The following DERA variants were observed in gnomAD, a reference collection of about 807,000 sequenced individuals.
The protein encoded by DERA is 2-deoxy-D-ribose 5-phosphate aldolase.
DERA carries 15 observed loss-of-function variants against 41.1 expected under a neutral mutation model. That is an observed-to-expected ratio of 0.37 (90% CI 0.24 to 0.56). The LOEUF (loss-of-function observed/expected upper bound fraction) is 0.56. Among genes scored for constraint, DERA ranks in the 20% least tolerant of loss-of-function variants. The pLI is 0.81. For missense variants in DERA, 396 were observed against 403.4 expected (o/e 0.98, Z 0.16); for synonymous variants, 139 against 137.4 (o/e 1.01, Z -0.08).
chr12:15,929,166 C>A (rs145885239), intron 1 of DERA, among the ~76,000 whole-genome samples: 1 of 152,176 alleles, frequency 6.6e-6, no homozygotes, highest in Non-Finnish European at 1.5e-5. Flanking sequence ...CAGAGCTAAC[C>A]CACACTAACT....
In DERA at chr12:16,008,372, A is replaced by T. The variant is rs1474449023; in HGVS notation, c.638-24170A>T. ...CCACATTTTATTCAGTTGGACTCTG[A>T]CTCCTGTCTGATTTGCCAGTGTAGA... On this transcript the variant is annotated intron_variant, in intron 6 of 8. Transcript: ENST00000428559. This position sits in a 1 kb window ranked among gnomAD's most constrained non-coding sequence, Gnocchi z 4.8. 6.6e-6 allele frequency among the ~76,000 whole-genome samples: 1 copy of T among 151,822 alleles called. No homozygotes were observed. Among genetic ancestry groups the T allele is most frequent in the African/African-American group, 2.4e-5 (1 of 41,312 alleles).
rs1949133714 is a variant in DERA, at chr12:16,036,961, G to C, written c.*215G>C. On this transcript the variant is annotated 3_prime_UTR_variant, in exon 9 of 9. Coordinates refer to ENST00000428559, the MANE Select transcript of DERA (RefSeq NM_015954.4). This position sits in a 1 kb window ranked among gnomAD's most constrained non-coding sequence, Gnocchi z 4.9. Reference sequence around the variant, plus strand: ...TCTGAAATGATCTTAATTACTAGAAGATCTGCACTATTAACTTTGTGAAGA... The same window carrying C: ...TCTGAAATGATCTTAATTACTAGAACATCTGCACTATTAACTTTGTGAAGA... 1 of 498,400 alleles carries C rather than the reference G, an allele frequency of 2.0e-6. No individual in the cohort carries two copies. Among genetic ancestry groups the C allele is most frequent in the Non-Finnish European group, 3.5e-6 (1 of 285,236 alleles). 30.9% of individuals were successfully genotyped at this position (498,400 alleles called of 1,614,324 possible).
intron 6 of DERA, among the ~76,000 whole-genome samples, chr12:16,015,337 T>A (rs1592051240): frequency 6.6e-6 from 1 of 152,154 alleles, no homozygotes; most frequent in Non-Finnish European, 1.5e-5. Flanking sequence ...GTGGAGGTAA[T>A]TGAATAATGG....
At chr12:15,930,450 G>A (rs1948318919) in intron 1 of DERA, among the ~76,000 whole-genome samples, 1 of 151,980 alleles carries the variant, frequency 6.6e-6, no homozygotes, top group South Asian at 2.1e-4. Flanking sequence ...TTTTTGATCA[G>A]CATCTTTAAA....
rs1948990780 is a variant in DERA at position 16,017,546 on chromosome 12, A to T, written c.638-14996A>T. On this transcript the variant is annotated intron_variant, in intron 6 of 8. Coordinates refer to ENST00000428559, the MANE Select transcript of DERA (RefSeq NM_015954.4). This position sits in a 1 kb window ranked among gnomAD's most constrained non-coding sequence, Gnocchi z 5.5. The stretch of plus-strand genomic sequence containing the variant: ...ATTAGTATCACATTGATACCTCCAG[A>T]GGGGCTTTCTGCTTCCATATGTACT... Among the ~76,000 whole-genome samples the T allele has an allele frequency of 6.6e-6, 1 of 152,190 alleles. No homozygotes were observed. The highest frequency in any genetic ancestry group is 2.4e-5 in the African/African-American group (1 of 41,456).
rs1038739927 is a variant in DERA, at chr12:15,982,557, G to C, written c.637+121G>C. ...AACCACTTGGAATTTTTTTGCGGGA[G>C]GAATCGGATATTTTGTAAAAACATG... is the stretch of plus-strand genomic sequence containing the variant. On this transcript the variant is annotated intron_variant, in intron 6 of 8. Coordinates refer to ENST00000428559, the MANE Select transcript of DERA (RefSeq NM_015954.4). The surrounding 1 kb of genome is among the most constrained non-coding windows in gnomAD (Gnocchi z 4.0). 9.6e-7 allele frequency: 1 copy of C among 1,038,622 alleles called. No individual in the cohort carries two copies. The highest frequency in any genetic ancestry group is 3.3e-4 in the Middle Eastern group (1 of 3,032). The allele number at this position is 1,038,622 out of a possible 1,614,324, so 64.3% of individuals were successfully genotyped here. A position where few individuals can be genotyped will look rare whatever the true frequency, so the allele number is the denominator to read the frequency against.
chr12:15,943,850 G>A lies in DERA; in HGVS notation c.32-13086G>A, dbSNP rs558839251. On this transcript the variant is annotated intron_variant, in intron 1 of 8. Coordinates refer to ENST00000428559, the MANE Select transcript of DERA (RefSeq NM_015954.4). The surrounding 1 kb of genome is among the most constrained non-coding windows in gnomAD (Gnocchi z 4.5). ...GCCATTAACTCGTCATTTACATTAC[G>A]TATTTCTCCTAATGCTATCCCTCCC... Among the ~76,000 whole-genome samples the A allele has an allele frequency of 5.3e-5, 8 of 151,184 alleles. No homozygotes were observed. The South Asian group carries it at 1.3e-3, about 24-fold the overall frequency.
intron 6 of DERA, among the ~76,000 whole-genome samples, chr12:15,997,652 T>C (rs1383945341): frequency 2.7e-5 from 4 of 148,542 alleles, no homozygotes; most frequent in Non-Finnish European, 4.4e-5. Flanking sequence ...GGAACTTTTT[T>C]CTCTTTTTAA....
chr12:15,962,664 A>T (rs1592021741), intron 4 of DERA, 149 bp from the exon 5 acceptor site: 1 of 596,784 alleles, frequency 1.7e-6, no homozygotes, highest in African/African-American at 1.9e-5. Context: ...GTGTCAGTGC[A>T]TTGGTCTTTA....
In DERA at chr12:15,982,552, C is replaced by T. The variant is rs1345100272; in HGVS notation, c.637+116C>T. The T allele has an allele frequency of 2.2e-5, 23 of 1,042,448 alleles. No individual in the cohort carries two copies. The highest frequency in any genetic ancestry group is 5.6e-5 in the South Asian group (3 of 53,368). 64.6% of individuals were successfully genotyped at this position (1,042,448 alleles called of 1,614,324 possible). ...GTGCTAACCACTTGGAATTTTTTTG[C>T]GGGAGGAATCGGATATTTTGTAAAA... On this transcript the variant is annotated intron_variant, in intron 6 of 8. Transcript: ENST00000428559. This position sits in a 1 kb window ranked among gnomAD's most constrained non-coding sequence, Gnocchi z 4.0.
rs1352655745 is a variant in DERA, at chr12:15,922,526, A to G, written c.31+11112A>G. On this transcript the variant is annotated intron_variant, in intron 1 of 8. Transcript: ENST00000428559. This position sits in a 1 kb window ranked among gnomAD's most constrained non-coding sequence, Gnocchi z 4.9. The stretch of plus-strand genomic sequence containing the variant: ...GTGATTAGCATGTAGAGTCTAGAAA[A>G]TAGGCATTGATGCTGATAATACTGA... Among the ~76,000 whole-genome samples the G allele has an allele frequency of 6.6e-6, 1 of 152,234 alleles. No homozygotes were observed. Among genetic ancestry groups the G allele is most frequent in the Non-Finnish European group, 1.5e-5 (1 of 68,042 alleles).
In DERA at chr12:15,981,419, G is replaced by T. The variant is rs753241607; in HGVS notation, c.509-889G>T. On this transcript the variant is annotated intron_variant, in intron 5 of 8. Coordinates refer to ENST00000428559, the MANE Select transcript of DERA (RefSeq NM_015954.4). The surrounding 1 kb of genome is among the most constrained non-coding windows in gnomAD (Gnocchi z 6.1). The stretch of plus-strand genomic sequence containing the variant: ...TACTCAAATACAAAGGAAAGAAAAA[G>T]CCTTGGTCTTGTTACCATGGCAGTA... 1.3e-5 allele frequency among the ~76,000 whole-genome samples: 2 copies of T among 152,102 alleles called. No individual in the cohort carries two copies. Among genetic ancestry groups the T allele is most frequent in the Non-Finnish European group, 2.9e-5 (2 of 68,010 alleles).
In DERA at chr12:16,016,194, A is replaced by G. The variant is rs187799346; in HGVS notation, c.638-16348A>G. ...CATATTTACTCTGGCCAGTGCTTCA[A>G]CCATAACACTGGATCTTTATTATAT... On this transcript the variant is annotated intron_variant, in intron 6 of 8. Coordinates refer to ENST00000428559, the MANE Select transcript of DERA (RefSeq NM_015954.4). Among the ~76,000 whole-genome samples the G allele has an allele frequency of 7.2e-4, 109 of 152,314 alleles. 1 individual carries two copies. The highest frequency in any genetic ancestry group is 2.2e-3 in the African/African-American group (91 of 41,574).
intron 1 of DERA, among the ~76,000 whole-genome samples, chr12:15,952,272 G>A (rs1948503968): frequency 6.6e-6 from 1 of 152,160 alleles, no homozygotes; most frequent in Non-Finnish European, 1.5e-5. Flanking sequence ...AACTGGACAT[G>A]GATCTTGGTG....
At position 16,036,214 on chromosome 12, in the gene DERA, C is replaced by A. The variant is rs190130820; in HGVS notation, c.751-18C>A. The A allele has an allele frequency of 3.8e-3, 6,024 of 1,582,796 alleles. 18 individuals are homozygous for A. The highest frequency in any genetic ancestry group is 4.8e-3 in the Non-Finnish European group (5,580 of 1,166,720). ...CAATAACAATAAAGATTGTTCTATT[C>A]TCTGCCTTCCCATTTAGATAGGGTT... On this transcript the variant is annotated intron_variant, in intron 7 of 8. Coordinates refer to ENST00000428559, the MANE Select transcript of DERA (RefSeq NM_015954.4). The surrounding 1 kb of genome is among the most constrained non-coding windows in gnomAD (Gnocchi z 4.9).
rs770190557 is a variant in DERA at position 15,993,263 on chromosome 12, AT to A, written c.637+10828del. 3.9e-5 allele frequency among the ~76,000 whole-genome samples: 6 copies of A among 152,178 alleles called. No homozygotes were observed. The highest frequency in any genetic ancestry group is 1.9e-4 in the East Asian group (1 of 5,202). The stretch of plus-strand genomic sequence containing the variant: ...TGAATGAAACCAAAACACTAAAAAA[AT>A]GTGGTGATTAATAGGAAATTAGTAT... On this transcript the variant is annotated intron_variant, in intron 6 of 8. Transcript: ENST00000428559. The surrounding 1 kb of genome is among the most constrained non-coding windows in gnomAD (Gnocchi z 4.4).
intron 1 of DERA, among the ~76,000 whole-genome samples, chr12:15,914,503 T>C (rs545272192): frequency 9.9e-5 from 15 of 152,236 alleles, no homozygotes; most frequent in South Asian, 8.3e-4. Context: ...TATGGTTGCA[T>C]GGACAGATGC....
In DERA at chr12:16,008,004, C is replaced by G. The variant is rs768052023; in HGVS notation, c.638-24538C>G. ...TAGCTGAGATTACAGGTGTGTGCCA[C>G]TGTGTGCCCGGCTAATTTTTGTATT... On this transcript the variant is annotated intron_variant, in intron 6 of 8. Transcript: ENST00000428559. This position sits in a 1 kb window ranked among gnomAD's most constrained non-coding sequence, Gnocchi z 4.8. 7.2e-5 allele frequency among the ~76,000 whole-genome samples: 11 copies of G among 152,124 alleles called. No individual in the cohort carries two copies. Among genetic ancestry groups the G allele is most frequent in the Non-Finnish European group, 1.3e-4 (9 of 68,014 alleles).
In DERA at chr12:16,036,371, T is replaced by G. The variant is rs200484769; in HGVS notation, c.890T>G (p.Ile297Ser). 1 of 1,598,822 alleles carries G rather than the reference T, an allele frequency of 6.3e-7. No homozygotes were observed. The change falls in exon 8 of 9, where the codon ATT (isoleucine) becomes AGT (serine). Residue 297 changes from isoleucine to serine, a missense_variant. Ile to Ser is a moderately radical substitution (Grantham distance 142). Transcript: ENST00000428559. The surrounding 1 kb of genome is among the most constrained non-coding windows in gnomAD (Gnocchi z 4.9). ...GGTGCCAGTACTCTGCTCTCGGACA[T>G]TGAGAGGCAGGTGAGTAATCATCTC... ...RIGASTLLSD[I>S]ERQIYHHVTG...
Sources: allele counts gnomAD v4.1 joint callset (sites outside exome capture counted in the v4.1 genomes callset), GRCh38; gene constraint gnomAD v4.1.1; non-coding constraint Gnocchi (gnomAD v3.1); transcripts MANE v1.5; gene names NCBI Gene and HGNC (gene_info 2026-07-23, HGNC 2026-07-21).